Variants in TDRD3 observed in about 807,000 individuals in gnomAD.
TDRD3 encodes the protein tudor domain-containing protein 3.
TDRD3 carries 45 observed loss-of-function variants against 86.7 expected under a neutral mutation model. That is an observed-to-expected ratio of 0.52 (90% CI 0.41 to 0.67). The LOEUF (loss-of-function observed/expected upper bound fraction) is 0.67, where lower values mean the gene tolerates loss of function less well. Among genes scored for constraint, TDRD3 ranks in the 30% least tolerant of loss-of-function variants. The probability of loss-of-function intolerance (pLI) is 0.00; values close to 1 mark genes in which losing one functional copy is unlikely to be tolerated. For synonymous variants in TDRD3, 298 were observed against 301.7 expected, an observed-to-expected ratio of 0.99 and a Z score of 0.13; for missense variants, 814 against 889.0, an observed-to-expected ratio of 0.92 and a Z score of 1.07.
intron 1 of TDRD3, among the ~76,000 whole-genome samples, chr13:60,416,722 A>G (rs1954526510): frequency 6.6e-6 from 1 of 152,034 alleles, no homozygotes; most frequent in Non-Finnish European, 1.5e-5. Context: ...TCCAGTTGTG[A>G]GATATCTTTC....
intron 3 of TDRD3, among the ~76,000 whole-genome samples, chr13:60,449,051 A>G (rs1955473321): frequency 6.6e-6 from 1 of 152,120 alleles, no homozygotes; most frequent in Non-Finnish European, 1.5e-5. Flanking sequence ...TTTCCCAAGT[A>G]GGAGTGACTG....
intron 12 of TDRD3, among the ~76,000 whole-genome samples, chr13:60,552,154 A>G (rs1958073810): frequency 6.6e-6 from 1 of 152,218 alleles, no homozygotes; most frequent in Non-Finnish European, 1.5e-5. Flanking sequence ...CGAAAGTCTC[A>G]TCTGAGACAA....
intron 3 of TDRD3, among the ~76,000 whole-genome samples, chr13:60,457,866 T>C (rs1269032249): frequency 6.6e-6 from 1 of 152,194 alleles, no homozygotes; most frequent in Non-Finnish European, 1.5e-5. Context: ...CTTTATACTC[T>C]GTCTGTGTTT....
At chr13:60,397,805 G>A (rs1594883500) in intron 1 of TDRD3, among the ~76,000 whole-genome samples, 1 of 151,954 alleles carries the variant, frequency 6.6e-6, no homozygotes, top group African/African-American at 2.4e-5. Context: ...CGGGAGGCGA[G>A]GGCTGGGAAC....
intron 5 of TDRD3, among the ~76,000 whole-genome samples, chr13:60,469,419 AACACACACACACACATACAC>A (rs992062483): frequency 2.7e-5 from 4 of 149,460 alleles, no homozygotes; most frequent in East Asian, 3.9e-4. Context: ...CCTTCTCACC[AACACACACACACACATACAC>A]ACACACACAC....
chr13:60,424,060 C>T (rs1377340055), intron 1 of TDRD3, among the ~76,000 whole-genome samples: 3 of 151,996 alleles, frequency 2.0e-5, no homozygotes, highest in African/African-American at 2.4e-5. Flanking sequence ...CTTACTCTGT[C>T]GCCCAGGCTG....
intron 12 of TDRD3, chr13:60,537,276 T>A (rs1267380836): frequency 6.6e-6 from 1 of 152,066 alleles, no homozygotes; most frequent in Non-Finnish European, 1.5e-5. Context: ...CACATTATGA[T>A]CAGCCTTTCT....
chr13:60,486,067 C>A (rs182596579), intron 7 of TDRD3, 119 bp downstream of exon 7: 6 of 1,012,848 alleles, frequency 5.9e-6, no homozygotes, highest in African/African-American at 1.7e-5. Context: ...TAACCTTATT[C>A]TTCTTGCATA....
chr13:60,474,774 AC>A (rs1956149306), intron 5 of TDRD3, among the ~76,000 whole-genome samples: 1 of 152,152 alleles, frequency 6.6e-6, no homozygotes. Flanking sequence ...CTACACATTT[AC>A]CATTTCCGTC....
chr13:60,512,904 G>T (rs1007142044), intron 10 of TDRD3, among the ~76,000 whole-genome samples: 3 of 152,154 alleles, frequency 2.0e-5, no homozygotes, highest in South Asian at 4.1e-4. Flanking sequence ...TCTGGAGGAT[G>T]GTGGCCCTCT....
chr13:60,436,211 CTGTT>C (rs776732464), intron 1 of TDRD3, among the ~76,000 whole-genome samples: 1 of 150,396 alleles, frequency 6.6e-6, no homozygotes, highest in Non-Finnish European at 1.5e-5. Flanking sequence ...TGTGGGTTGT[CTGTT>C]TACTCTGCTG....
At position 60,464,047 on chromosome 13, in the gene TDRD3, T is replaced by C. The variant is rs893759366; in HGVS notation, c.354-3191T>C. Among the ~76,000 whole-genome samples the C allele has an allele frequency of 3.9e-5, 6 of 152,144 alleles. 1 individual carries two copies. Among genetic ancestry groups the C allele is most frequent in the Admixed American group, 2.6e-4 (4 of 15,264 alleles). On this transcript the variant is annotated intron_variant, in intron 4 of 13. Coordinates refer to ENST00000377881, the MANE Select transcript of TDRD3 (RefSeq NM_001146070.2). ...AAGAGCCTGGCACCTCCCTCTTTTC[T>C]CTTTTGCTGCTCTTTTCATGTGATC... is the stretch of plus-strand genomic sequence containing the variant.
intron 4 of TDRD3, among the ~76,000 whole-genome samples, chr13:60,463,312 A>G (rs1000689893): frequency 1.3e-5 from 2 of 150,450 alleles, no homozygotes; most frequent in Non-Finnish European, 3.0e-5. Flanking sequence ...CAGTGAGCTG[A>G]GAACACACCA....
chr13:60,474,694 C>T (rs949756380), intron 5 of TDRD3, among the ~76,000 whole-genome samples: 1 of 152,170 alleles, frequency 6.6e-6, no homozygotes, highest in Non-Finnish European at 1.5e-5. Flanking sequence ...GGTCACAACA[C>T]GTTTTAATTT....
chr13:60,505,983 C>T (rs1296770227), intron 8 of TDRD3, among the ~76,000 whole-genome samples: 1 of 152,126 alleles, frequency 6.6e-6, no homozygotes, highest in Non-Finnish European at 1.5e-5. Context: ...GAAGAACTTC[C>T]CCAACCTAGC....
intron 6 of TDRD3, 144 bp downstream of exon 6, chr13:60,483,990 T>C (rs530131547): frequency 5.2e-5 from 43 of 819,864 alleles, no homozygotes; most frequent in Non-Finnish European, 6.2e-5. Flanking sequence ...TTTAATAATT[T>C]TGAGGTTTTT....
chr13:60,436,105 GTTGT>G (rs894350064), intron 1 of TDRD3, among the ~76,000 whole-genome samples: 5 of 140,156 alleles, frequency 3.6e-5, no homozygotes, highest in Non-Finnish European at 8.0e-5. Flanking sequence ...TTTTGGATGG[GTTGT>G]TTTTTTTTTT....
At chr13:60,572,324 T>TAAA (rs1958605171) in intron 13 of TDRD3, among the ~76,000 whole-genome samples, 1 of 152,224 alleles carries the variant, frequency 6.6e-6, no homozygotes, top group Non-Finnish European at 1.5e-5. Context: ...TGGCTTCAAA[T>TAAA]ACATAAGAGT....
At chr13:60,404,373 G>T (rs1489424303) in intron 1 of TDRD3, among the ~76,000 whole-genome samples, 1 of 144,368 alleles carries the variant, frequency 6.9e-6, no homozygotes, top group Admixed American at 6.8e-5. Context: ...TGCAGTGGCG[G>T]GATCTCGGCT....
Sources: allele counts gnomAD v4.1 joint callset (sites outside exome capture counted in the v4.1 genomes callset), GRCh38; gene constraint gnomAD v4.1.1; transcripts MANE v1.5; gene names NCBI Gene and HGNC (gene_info 2026-07-23, HGNC 2026-07-21).